The following PIK3R5 variants were observed in gnomAD, a reference collection of about 807,000 sequenced individuals.
The protein encoded by PIK3R5 is phosphoinositide 3-kinase regulatory subunit 5.
PIK3R5 carries 32 observed loss-of-function variants against 94.9 expected under a neutral mutation model. The ratio of observed to expected loss-of-function variants is 0.34; its 90% CI spans 0.25 to 0.45. PIK3R5 has a LOEUF of 0.45. Among genes scored for constraint, PIK3R5 ranks in the 20% least tolerant of loss-of-function variants. The pLI, the probability that PIK3R5 is intolerant of heterozygous loss-of-function variation, is 1.00. For missense variants in PIK3R5, 853 were observed against 1,144.6 expected, an observed-to-expected ratio of 0.75 and a Z score of 3.68; for synonymous variants, 443 against 479.4, an observed-to-expected ratio of 0.92 and a Z score of 0.99.
chr17:8,908,574 A>ACACAC (rs2090448664), intron 3 of PIK3R5, among the ~76,000 whole-genome samples: 2 of 88,982 alleles, frequency 2.2e-5, no homozygotes, highest in African/African-American at 8.7e-5. Flanking sequence ...CACACACACA[A>ACACAC]CCATAAAAGA....
chr17:8,960,006 C>T (rs1300602420), intron 1 of PIK3R5, among the ~76,000 whole-genome samples: 3 of 152,022 alleles, frequency 2.0e-5, no homozygotes, highest in African/African-American at 7.2e-5. Flanking sequence ...AGAAGAGAGG[C>T]CCCCCCATTA....
chr17:8,886,774 C>A (rs2089869457), intron 12 of PIK3R5, among the ~76,000 whole-genome samples, 169 bp from the exon 13 acceptor site: 3 of 152,138 alleles, frequency 2.0e-5, no homozygotes, highest in Admixed American at 6.5e-5. Flanking sequence ...AGCCTCCATG[C>A]CCCTCACCTG....
At chr17:8,891,076 C>T (rs1252164245) in intron 6 of PIK3R5, among the ~76,000 whole-genome samples, 164 bp from the exon 7 acceptor site, 2 of 152,244 alleles carry the variant, frequency 1.3e-5, no homozygotes, top group Non-Finnish European at 2.9e-5. Context: ...ACAGAAGCAA[C>T]AGCTCCAGGG....
intron 1 of PIK3R5, among the ~76,000 whole-genome samples, chr17:8,964,268 T>C (rs1283262020): frequency 3.3e-5 from 5 of 152,038 alleles, no homozygotes; most frequent in African/African-American, 1.2e-4. Context: ...GGTGCTGACC[T>C]GTAATCCCAG....
In PIK3R5 at chr17:8,948,520, T is replaced by C. The variant is rs2091318378; in HGVS notation, c.-14+17076A>G. ...CTGGACAAAAGGCTTGAATAGACGC[T>C]TCACAGAAGAGGGTGTCCAAATGGC... On this transcript the variant is annotated intron_variant, in intron 1 of 18. Coordinates refer to ENST00000447110, the MANE Select transcript of PIK3R5 (RefSeq NM_001142633.3). Among the ~76,000 whole-genome samples the C allele has an allele frequency of 2.0e-5, 3 of 152,060 alleles. No homozygotes were observed. The South Asian group carries it at 6.2e-4, about 32-fold the overall frequency.
intron 1 of PIK3R5, among the ~76,000 whole-genome samples, chr17:8,923,378 G>A (rs1035623224): frequency 7.2e-5 from 11 of 152,172 alleles, no homozygotes; most frequent in South Asian, 4.1e-4. Flanking sequence ...GGCAGGCACC[G>A]TTCTAGGTGT....
chr17:8,957,178 G>A (rs774811351), intron 1 of PIK3R5, among the ~76,000 whole-genome samples: 2 of 152,154 alleles, frequency 1.3e-5, no homozygotes, highest in African/African-American at 2.4e-5. Context: ...TTAAAAATAA[G>A]CTATATTGGT....
chr17:8,930,144 T>G (rs939287058), intron 1 of PIK3R5, among the ~76,000 whole-genome samples: 5 of 152,170 alleles, frequency 3.3e-5, no homozygotes, highest in Non-Finnish European at 7.4e-5. Flanking sequence ...ACACATTTTT[T>G]TCAAGTACTT....
intron 1 of PIK3R5, among the ~76,000 whole-genome samples, chr17:8,930,715 C>T (rs1356600094): frequency 2.6e-5 from 4 of 152,176 alleles, no homozygotes; most frequent in Non-Finnish European, 5.9e-5. Flanking sequence ...TATTGATACA[C>T]ACAACAACCT....
chr17:8,940,538 GT>G (rs1343706013), intron 1 of PIK3R5, among the ~76,000 whole-genome samples: 2 of 151,918 alleles, frequency 1.3e-5, no homozygotes, highest in African/African-American at 2.4e-5. Flanking sequence ...GCCTGCTAAG[GT>G]TTTTTTGTTT....
rs1157355508 is a variant in PIK3R5 at position 8,886,480 on chromosome 17, G to A, written c.2031C>T (p.Thr677=). The change falls in exon 13 of 19, where the codon ACC becomes ACT. Residue 677 remains threonine, a synonymous_variant. Transcript: ENST00000447110. ...GTTCGGGGCAGGGAGGCCTTACCTC[G>A]GTCTGATAGACTTGCAGCAGCACCG... is the stretch of plus-strand genomic sequence containing the variant. ...ARPVLLQVYQ[T]ELTFITGEKT... is the part of the protein sequence containing the mutation. 4 of 1,603,156 alleles carry A rather than the reference G, an allele frequency of 2.5e-6. No homozygotes were observed. The highest frequency in any genetic ancestry group is 1.3e-5 in the African/African-American group (1 of 74,800).
chr17:8,919,963 C>T (rs1292905081), intron 1 of PIK3R5, among the ~76,000 whole-genome samples: 1 of 144,320 alleles, frequency 6.9e-6, no homozygotes, highest in African/African-American at 2.6e-5. Context: ...GATCTCGGCT[C>T]ACTGCAACCT....
At chr17:8,885,729 C>T in intron 14 of PIK3R5, among the ~76,000 whole-genome samples, 1 of 106,608 alleles carries the variant, frequency 9.4e-6, no homozygotes, top group African/African-American at 4.2e-5. Flanking sequence ...CCTGGGTAAC[C>T]CCGCCCTCCC....
chr17:8,903,201 C>A lies in PIK3R5; in HGVS notation c.412+1576G>T, dbSNP rs148419646. On this transcript the variant is annotated intron_variant, in intron 5 of 18. Coordinates refer to ENST00000447110, the MANE Select transcript of PIK3R5 (RefSeq NM_001142633.3). Reference sequence around the variant, plus strand: ...TATGGTCTACCAATTATCCTGATATCATCTATGAAATGACTGATTTTTTCA... The same window carrying A: ...TATGGTCTACCAATTATCCTGATATAATCTATGAAATGACTGATTTTTTCA... Among the ~76,000 whole-genome samples, 380 of 152,198 alleles carry A rather than the reference C, an allele frequency of 2.5e-3. 3 individuals carry two copies. The highest frequency in any genetic ancestry group is 1.9e-4 in the Non-Finnish European group (13 of 68,022).
In PIK3R5 at chr17:8,888,339, T is replaced by C. The variant is rs756083730; in HGVS notation, c.1448A>G (p.Lys483Arg). ...AQRSRSLPQP[K>R]LGTQLPSWLL... ...CCAGCTGGGCAGCTGGGTACCGAGT[T>C]TGGGCTGGGGCAGGGAGCGGGAGCG... The change falls in exon 10 of 19, where the codon AAA becomes AGA. Residue 483 changes from lysine (K) to arginine (R), a missense_variant. Physicochemically the swap from Lys to Arg is conservative, Grantham distance 26. Coordinates refer to ENST00000447110, the MANE Select transcript of PIK3R5 (RefSeq NM_001142633.3). The surrounding 1 kb of genome is among the most constrained non-coding windows in gnomAD (Gnocchi z 7.8). 48 of 1,612,404 alleles carry C rather than the reference T, an allele frequency of 3.0e-5. No individual in the cohort carries two copies. Among genetic ancestry groups the C allele is most frequent in the East Asian group, 1.6e-4 (7 of 44,848 alleles).
chr17:8,947,133 G>A (rs1252750413), intron 1 of PIK3R5, among the ~76,000 whole-genome samples: 1 of 148,702 alleles, frequency 6.7e-6, no homozygotes, highest in East Asian at 1.9e-4. Context: ...ATACAGATGC[G>A]GCTTTTCTCG....
chr17:8,949,738 T>C (rs1180041870), intron 1 of PIK3R5, among the ~76,000 whole-genome samples: 1 of 152,136 alleles, frequency 6.6e-6, no homozygotes, highest in Non-Finnish European at 1.5e-5. Flanking sequence ...ATAAGAATGA[T>C]ACAATGGATT....
rs1199969046 is a variant in PIK3R5, at chr17:8,884,895, G to A, written c.2129-112C>T. 28 of 827,250 alleles carry A rather than the reference G, an allele frequency of 3.4e-5. No homozygotes were observed. The highest frequency in any genetic ancestry group is 3.3e-4 in the East Asian group (13 of 39,480). 51.2% of individuals were successfully genotyped at this position (827,250 alleles called of 1,614,324 possible). On this transcript the variant is annotated intron_variant, in intron 14 of 18. Transcript: ENST00000447110. This position sits in a 1 kb window ranked among gnomAD's most constrained non-coding sequence, Gnocchi z 5.8. ...CTCCCCATCCCCTACCACATGGACC[G>A]TGACTCCCTAGGGATCTGTCTCACC...
At position 8,888,433 on chromosome 17, in the gene PIK3R5, G is replaced by C; in HGVS notation, c.1354C>G (p.Pro452Ala). 1 of 1,598,902 alleles carries C rather than the reference G, an allele frequency of 6.3e-7. No individual in the cohort carries two copies. Among genetic ancestry groups the C allele is most frequent in the Non-Finnish European group, 8.5e-7 (1 of 1,174,026 alleles). ...SLEGSSDTALPLRRAGSLCSP... is the reference protein window; with the variant it reads ...SLEGSSDTALALRRAGSLCSP... ...CAGAGGCTCCCTGCCCGCCTCAGGG[G>C]CAGGGCCGTGTCCGAGCTGCCCTCC... Residue 452 changes from proline to alanine, a missense_variant, in exon 10 of 19, where the codon CCC becomes GCC. This residue lies in a region of PIK3R5 where 319 missense variants were observed against 339.8 expected (regional missense o/e 0.94). Transcript: ENST00000447110. The surrounding 1 kb of genome is among the most constrained non-coding windows in gnomAD (Gnocchi z 7.8).
Sources: gnomAD v4.1 joint callset for allele counts (sites outside exome capture counted in the v4.1 genomes callset) on GRCh38, gnomAD v4.1.1 for gene constraint, gnomAD v4.1.1 regional missense constraint, Gnocchi (gnomAD v3.1) non-coding constraint, MANE v1.5 for transcripts, NCBI Gene and HGNC (gene_info 2026-07-23, HGNC 2026-07-21) for gene names.